Variants in CEP128 observed in about 807,000 individuals in gnomAD.
The protein encoded by CEP128 is centrosomal protein 128kDa.
In CEP128, 132 loss-of-function variants were observed where a neutral mutation model predicts 156.7. The ratio of observed to expected loss-of-function variants is 0.84; its 90% CI spans 0.73 to 0.97. The LOEUF is 0.97. Ranked by LOEUF, CEP128 falls within the 50% of genes least tolerant of loss-of-function variation. CEP128 has a pLI of 0.00. For missense variants in CEP128, 1,252 were observed against 1,281.9 expected, an observed-to-expected ratio of 0.98 and a Z score of 0.36; for synonymous variants, 469 against 448.9, an observed-to-expected ratio of 1.04 and a Z score of -0.57.
At chr14:80,831,548 T>C (rs1885800346) in intron 12 of CEP128, among the ~76,000 whole-genome samples, 1 of 151,978 alleles carries the variant, frequency 6.6e-6, no homozygotes, top group Non-Finnish European at 1.5e-5. Context: ...CTGCAATTTA[T>C]TTCAAGAAAA....
chr14:80,783,773 A>C (rs1250672388), intron 15 of CEP128, among the ~76,000 whole-genome samples: 1 of 152,186 alleles, frequency 6.6e-6, no homozygotes, highest in African/African-American at 2.4e-5. Context: ...GGCAGGAGGC[A>C]GCATTTTTAT....
chr14:80,678,064 G>GTATGTATATATATATATATATA (rs1896159155), intron 19 of CEP128, among the ~76,000 whole-genome samples: 3 of 27,464 alleles, frequency 1.1e-4, no homozygotes, highest in African/African-American at 2.8e-4. Flanking sequence ...ATATATATAT[G>GTATGTATATATATATATATATA]TATATATATA....
At chr14:80,619,089 T>C (rs549613999) in intron 19 of CEP128, among the ~76,000 whole-genome samples, 35 of 152,244 alleles carry the variant, frequency 2.3e-4, no homozygotes, top group African/African-American at 8.4e-4. Context: ...AGTGGTAGCC[T>C]AAGGAATTAA....
intron 13 of CEP128, among the ~76,000 whole-genome samples, chr14:80,805,755 G>A (rs981887101): frequency 7.2e-5 from 11 of 152,160 alleles, no homozygotes; most frequent in Non-Finnish European, 1.3e-4. Flanking sequence ...CAGAACTAAG[G>A]CAAGTCTCTT....
chr14:80,574,901 G>A (rs1440335211), intron 20 of CEP128, among the ~76,000 whole-genome samples: 1 of 151,918 alleles, frequency 6.6e-6, no homozygotes, highest in Non-Finnish European at 1.5e-5. Context: ...CCCTTCAACT[G>A]GGAGATTCCA....
chr14:80,546,649 T>A (rs1242546830), intron 21 of CEP128, among the ~76,000 whole-genome samples: 1 of 152,212 alleles, frequency 6.6e-6, no homozygotes, highest in East Asian at 1.9e-4. Flanking sequence ...AAAGCCACTA[T>A]ATAGTTAATG....
chr14:80,957,397 T>C (rs1006330293), intron 2 of CEP128, among the ~76,000 whole-genome samples: 1 of 151,762 alleles, frequency 6.6e-6, no homozygotes, highest in Non-Finnish European at 1.5e-5. Context: ...CAAGCTTCTC[T>C]AACATAGGGA....
At chr14:80,568,031 G>T (rs1167839065) in intron 20 of CEP128, among the ~76,000 whole-genome samples, 1 of 152,154 alleles carries the variant, frequency 6.6e-6, no homozygotes, top group Admixed American at 6.5e-5. Context: ...AAATCATATT[G>T]CAAGAATGAT....
intron 19 of CEP128, among the ~76,000 whole-genome samples, chr14:80,660,716 T>C (rs1386451314): frequency 6.6e-6 from 1 of 152,200 alleles, no homozygotes; most frequent in Admixed American, 6.6e-5. Context: ...CCATGTTTTA[T>C]GCATGAGAGG....
intron 19 of CEP128, among the ~76,000 whole-genome samples, chr14:80,621,795 C>G (rs1489250247): frequency 6.6e-6 from 1 of 152,090 alleles, no homozygotes; most frequent in African/African-American, 2.4e-5. Flanking sequence ...TAAGGGGTTT[C>G]TTGTTTCTTT....
chr14:80,802,527 G>C (rs1883934204), intron 13 of CEP128, among the ~76,000 whole-genome samples: 1 of 143,000 alleles, frequency 7.0e-6, no homozygotes, highest in African/African-American at 2.6e-5. Flanking sequence ...ACACACACCA[G>C]GGGGGCCTGT....
intron 19 of CEP128, among the ~76,000 whole-genome samples, chr14:80,717,707 T>C (rs963707552): frequency 1.3e-5 from 2 of 152,220 alleles, no homozygotes; most frequent in African/African-American, 4.8e-5. Flanking sequence ...AAATATTTAC[T>C]TGGTGCCACT....
At chr14:80,680,717 C>T (rs759819448) in intron 19 of CEP128, among the ~76,000 whole-genome samples, 5 of 152,178 alleles carry the variant, frequency 3.3e-5, no homozygotes, top group Non-Finnish European at 7.3e-5. Context: ...CCCATCAACA[C>T]CCCATCACCA....
chr14:80,594,350 A>C (rs1408809043), intron 19 of CEP128, among the ~76,000 whole-genome samples: 1 of 152,228 alleles, frequency 6.6e-6, no homozygotes, highest in Non-Finnish European at 1.5e-5. Flanking sequence ...TAAACATAAG[A>C]CCTAAAACCA....
In CEP128 at chr14:80,793,071, G is replaced by A; in HGVS notation, c.1249C>T (p.Leu417=). 1 of 1,613,570 alleles carries A rather than the reference G, an allele frequency of 6.2e-7. No homozygotes were observed. Among genetic ancestry groups the A allele is most frequent in the Non-Finnish European group, 8.5e-7 (1 of 1,179,506 alleles). The change falls in exon 14 of 25, where the codon CTG becomes TTG. Residue 417 remains leucine, a synonymous_variant. Coordinates refer to ENST00000555265, the MANE Select transcript of CEP128 (RefSeq NM_152446.5). Reference sequence around the variant, plus strand: ...TCCTTAAGTCGATCCAACATCTGCAGTTGCTGTTTTTCCCCATTCTCCAGT... The same window carrying A: ...TCCTTAAGTCGATCCAACATCTGCAATTGCTGTTTTTCCCCATTCTCCAGT... ...RELENGEKQQ[L]QMLDRLKEIQ... is the part of the protein sequence containing the mutation.
chr14:80,922,687 C>T (rs556118095), intron 2 of CEP128, among the ~76,000 whole-genome samples: 41 of 152,004 alleles, frequency 2.7e-4, no homozygotes, highest in Non-Finnish European at 5.4e-4. Flanking sequence ...TATGTATGCT[C>T]AAGGAAAATC....
intron 13 of CEP128, among the ~76,000 whole-genome samples, chr14:80,804,303 C>T (rs1465900181): frequency 6.6e-6 from 1 of 151,964 alleles, no homozygotes; most frequent in Admixed American, 6.6e-5. Context: ...TCCAGAAGCA[C>T]AGTACAGTGA....
intron 17 of CEP128, among the ~76,000 whole-genome samples, chr14:80,759,481 AC>A (rs1899844205): frequency 6.6e-6 from 1 of 152,006 alleles, no homozygotes; most frequent in East Asian, 1.9e-4. Flanking sequence ...TCTTTACCAC[AC>A]CCCTGGGTGG....
intron 7 of CEP128, among the ~76,000 whole-genome samples, chr14:80,897,000 T>G (rs1048394009): frequency 6.6e-6 from 1 of 152,204 alleles, no homozygotes; most frequent in Non-Finnish European, 1.5e-5. Context: ...TTATATATCC[T>G]TAGGTAATTT....
Sources: gnomAD v4.1 joint callset for allele counts (sites outside exome capture counted in the v4.1 genomes callset) on GRCh38, gnomAD v4.1.1 for gene constraint, MANE v1.5 for transcripts, NCBI Gene and HGNC (gene_info 2026-07-23, HGNC 2026-07-21) for gene names.